Variants in PCDH15 observed in about 807,000 individuals in gnomAD.
PCDH15 encodes the protein protocadherin related 15.
PCDH15 carries 129 observed loss-of-function variants against 178.5 expected under a neutral mutation model. That is an observed-to-expected ratio of 0.72 (90% CI 0.63 to 0.84). The LOEUF is 0.84. PCDH15 is among the 40% of genes least tolerant of loss of function. The pLI is 0.00. For missense variants in PCDH15, 2,230 were observed against 2,099.9 expected, an observed-to-expected ratio of 1.06 and a Z score of -1.21; for synonymous variants, 800 against 732.0, an observed-to-expected ratio of 1.09 and a Z score of -1.50.
chr10:55,337,052 C>T (rs895584656), intron 2 of PCDH15, among the ~76,000 whole-genome samples: 1 of 152,068 alleles, frequency 6.6e-6, no homozygotes, highest in Non-Finnish European at 1.5e-5. Flanking sequence ...CAAATACCCA[C>T]GAGTGCATAA....
rs1237664906 is a variant in PCDH15, at chr10:54,795,803, C to T, written c.-29+5122G>A. Among the ~76,000 whole-genome samples, 3 of 151,458 alleles carry T rather than the reference C, an allele frequency of 2.0e-5. No individual in the cohort carries two copies. The East Asian group carries it at 5.8e-4, about 29-fold the overall frequency. ...GGTTGAAACAAGGATTTAACTTGAC[C>T]TCTGATGCCTTGACCTCTGATGACA... On this transcript the variant is annotated intron_variant, in intron 1 of 37. Transcript: ENST00000644397.
intron 2 of PCDH15, among the ~76,000 whole-genome samples, chr10:54,598,214 T>C (rs1304662224): frequency 6.6e-6 from 1 of 152,076 alleles, no homozygotes; most frequent in Non-Finnish European, 1.5e-5. Context: ...TGATGAACTT[T>C]GATGCAAATA....
intron 3 of PCDH15, among the ~76,000 whole-genome samples, chr10:54,816,272 T>C (rs956671241): frequency 1.3e-5 from 2 of 152,106 alleles, no homozygotes; most frequent in African/African-American, 2.4e-5. Context: ...TAAGCTCAGA[T>C]CTGTCTCTTA....
At chr10:54,492,446 G>T (rs2079688315) in intron 3 of PCDH15, among the ~76,000 whole-genome samples, 2 of 152,092 alleles carry the variant, frequency 1.3e-5, no homozygotes, top group African/African-American at 2.4e-5. Flanking sequence ...ACTGTCTTTG[G>T]CTGTCCGTAA....
chr10:54,930,884 G>A (rs1291953685), intron 2 of PCDH15, among the ~76,000 whole-genome samples: 2 of 152,018 alleles, frequency 1.3e-5, no homozygotes, highest in East Asian at 1.9e-4. Flanking sequence ...AATTACATAC[G>A]TACTTACTAA....
intron 6 of PCDH15, among the ~76,000 whole-genome samples, chr10:54,329,952 A>G (rs1430374014): frequency 6.6e-6 from 1 of 151,826 alleles, no homozygotes; most frequent in Non-Finnish European, 1.5e-5. Flanking sequence ...AGTTTTTAAT[A>G]TATTACTAGT....
intron 3 of PCDH15, among the ~76,000 whole-genome samples, chr10:54,853,285 G>GTATGTGTATGTGTATA (rs763063871): frequency 1.2e-5 from 1 of 85,288 alleles, no homozygotes; most frequent in African/African-American, 4.3e-5. Context: ...GTGTATGTAT[G>GTATGTGTATGTGTATA]TGTGTATATA....
chr10:54,525,255 T>C (rs182962505), intron 3 of PCDH15, among the ~76,000 whole-genome samples: 51 of 152,342 alleles, frequency 3.3e-4, no homozygotes, highest in African/African-American at 1.2e-3. Flanking sequence ...ACAGGCAATT[T>C]GACTTCAAGT....
intron 1 of PCDH15, among the ~76,000 whole-genome samples, chr10:55,272,948 A>G (rs1842483857): frequency 6.6e-6 from 1 of 152,020 alleles, no homozygotes; most frequent in South Asian, 2.1e-4. Flanking sequence ...ACACTCTATT[A>G]AAGCGATGTG....
At position 55,585,623 on chromosome 10, in the gene PCDH15, C is replaced by T. The variant is rs571657850; in HGVS notation, c.-156+42002G>A. Among the ~76,000 whole-genome samples the T allele has an allele frequency of 4.6e-5, 7 of 152,126 alleles. No individual in the cohort carries two copies. In the South Asian group the frequency reaches 1.5e-3, roughly 32 times the overall value. On this transcript the variant is annotated intron_variant, in intron 2 of 5. Coordinates refer to the PCDH15 transcript ENST00000613346. ...CCCAGGAGATGGAGGTTGCATTGAGCCGAGATGGCGCCAATGCACTCCAGC... is the reference window on the plus strand; with the variant it reads ...CCCAGGAGATGGAGGTTGCATTGAGTCGAGATGGCGCCAATGCACTCCAGC...
chr10:55,520,401 C>A (rs4275526), intron 2 of PCDH15, among the ~76,000 whole-genome samples: 2 of 128,814 alleles, frequency 1.6e-5, no homozygotes, highest in South Asian at 2.4e-4. Flanking sequence ...AGTACTGTAA[C>A]TACTATTTAT....
chr10:54,972,848 C>T (rs1383435705), intron 2 of PCDH15, among the ~76,000 whole-genome samples: 1 of 53,512 alleles, frequency 1.9e-5, no homozygotes, highest in South Asian at 9.3e-4. Flanking sequence ...GACTCCATCT[C>T]AAAAAAAAAA....
At chr10:54,959,591 TAGTG>T (rs1433443649) in intron 2 of PCDH15, among the ~76,000 whole-genome samples, 4 of 152,054 alleles carry the variant, frequency 2.6e-5, no homozygotes, top group African/African-American at 7.2e-5. Context: ...ATATCACTAA[TAGTG>T]AGACAACATG....
intron 3 of PCDH15, among the ~76,000 whole-genome samples, chr10:54,467,044 G>T (rs1452737481): frequency 6.6e-6 from 1 of 151,798 alleles, no homozygotes; most frequent in Non-Finnish European, 1.5e-5. Context: ...TCAAATCTAA[G>T]AAATTTTAGG....
At chr10:55,583,602 T>C (rs1306515678) in intron 2 of PCDH15, among the ~76,000 whole-genome samples, 1 of 151,930 alleles carries the variant, frequency 6.6e-6, no homozygotes, top group South Asian at 2.1e-4. Flanking sequence ...CCCAGCTAAT[T>C]TTTGTATTTT....
chr10:54,160,708 C>T (rs2045621113), intron 13 of PCDH15, among the ~76,000 whole-genome samples: 2 of 151,986 alleles, frequency 1.3e-5, no homozygotes, highest in African/African-American at 2.4e-5. Context: ...CCAGTCAGTA[C>T]TAAGAAAACA....
chr10:53,988,836 A>T (rs2091281489), intron 21 of PCDH15, among the ~76,000 whole-genome samples: 1 of 152,146 alleles, frequency 6.6e-6, no homozygotes, highest in South Asian at 2.1e-4. Flanking sequence ...CCCACTCCCG[A>T]AATATGTGAA....
At chr10:54,724,747 T>C (rs531771315) in intron 1 of PCDH15, among the ~76,000 whole-genome samples, 107 of 151,418 alleles carry the variant, frequency 7.1e-4, no homozygotes, top group African/African-American at 2.4e-3. Context: ...GAAAGCTATA[T>C]ACATATAGGT....
chr10:54,410,357 G>T (rs1428744475), intron 3 of PCDH15, among the ~76,000 whole-genome samples: 1 of 152,116 alleles, frequency 6.6e-6, no homozygotes, highest in Non-Finnish European at 1.5e-5. Context: ...GAACAAGTCA[G>T]GCTGCAGAAA....
Sources: allele counts gnomAD v4.1 joint callset (sites outside exome capture counted in the v4.1 genomes callset), GRCh38; gene constraint gnomAD v4.1.1; transcripts MANE v1.5; gene names NCBI Gene and HGNC (gene_info 2026-07-23, HGNC 2026-07-21).